The following WT1 variants were observed in gnomAD, a reference collection of about 807,000 sequenced individuals.
The protein encoded by WT1 is WT1 transcription factor.
WT1 carries 8 observed loss-of-function variants against 60.8 expected under a neutral mutation model. The ratio of observed to expected loss-of-function variants is 0.13; its 90% CI spans 0.08 to 0.24. The LOEUF is 0.24. Ranked by LOEUF, WT1 falls within the 10% of genes least tolerant of loss-of-function variation. The pLI, the probability that WT1 is intolerant of heterozygous loss-of-function variation, is 1.00. For missense variants in WT1, 568 were observed against 711.8 expected, an observed-to-expected ratio of 0.80 and a Z score of 2.30; for synonymous variants, 312 against 297.1, an observed-to-expected ratio of 1.05 and a Z score of -0.52.
intron 5 of WT1, among the ~76,000 whole-genome samples, chr11:32,408,633 A>G (rs1024205685): frequency 1.3e-5 from 2 of 151,994 alleles, no homozygotes; most frequent in Non-Finnish European, 2.9e-5. Context: ...ACAGAAAAAA[A>G]GAAACACAGG....
Position 32,427,892 on chromosome 11 carries a change from C to T in WT1, c.887+64G>A, listed in dbSNP as rs565650860. Reference sequence around the variant, plus strand: ...TGCCCGGCTGGGGCGTTCCCAAGTCCGCCGGCTCATGCGTCCCCTCCGGGG... The same window carrying T: ...TGCCCGGCTGGGGCGTTCCCAAGTCTGCCGGCTCATGCGTCCCCTCCGGGG... On this transcript the variant is annotated intron_variant, in intron 3 of 9. Coordinates refer to ENST00000452863, the MANE Select transcript of WT1 (RefSeq NM_024426.6). The T allele has an allele frequency of 2.8e-5, 42 of 1,502,280 alleles. 1 individual carries two copies. The South Asian group carries it at 4.0e-4, about 14-fold the overall frequency. 93.1% of individuals were successfully genotyped at this position (1,502,280 alleles called of 1,614,324 possible).
chr11:32,426,240 C>A (rs949287510), intron 3 of WT1, among the ~76,000 whole-genome samples: 7 of 152,156 alleles, frequency 4.6e-5, no homozygotes, highest in African/African-American at 7.2e-5. Flanking sequence ...CCTAGTGTGA[C>A]ACACCAACTG....
rs561403348 is a variant in WT1, at chr11:32,418,727, A to G, written c.888-1073T>C. ...ATTCAGAAAGGCTTTTTTCAGGCCA[A>G]GCATAACTGGGAACTTGAGGAGGGG... On this transcript the variant is annotated intron_variant, in intron 3 of 9. Coordinates refer to ENST00000452863, the MANE Select transcript of WT1 (RefSeq NM_024426.6). Among the ~76,000 whole-genome samples the G allele has an allele frequency of 3.9e-5, 6 of 152,320 alleles. No homozygotes were observed. In the South Asian group the frequency reaches 1.2e-3, roughly 32 times the overall value.
In WT1 at chr11:32,399,810, T is replaced by G. The variant is rs1590344854; in HGVS notation, c.1113+138A>C. On this transcript the variant is annotated intron_variant, in intron 6 of 9. Transcript: ENST00000452863. ...TTATCAGACCCAGGGGACGAGCAGG[T>G]GTCCCTGATGTTAAAGGAGCCTGCA... The G allele has an allele frequency of 8.8e-6, 8 of 908,894 alleles. No individual in the cohort carries two copies. The East Asian group carries it at 2.1e-4, about 24-fold the overall frequency. 56.3% of individuals were successfully genotyped at this position (908,894 alleles called of 1,614,324 possible). A position where few individuals can be genotyped will look rare whatever the true frequency, so the allele number is the denominator to read the frequency against.
At position 32,434,778 on chromosome 11, in the gene WT1, A is replaced by C. The variant is rs975173030; in HGVS notation, c.583T>G (p.Ser195Ala). ...TTAGGAAACATCCTGGCCTGGCCGG[A>C]TGACGCCTGGCTGGGCGGAGGAGGA... Residue 195 changes from serine (S) to alanine (A), a missense_variant, in exon 1 of 10, where the codon TCC becomes GCC. Around this residue, in one of 3 missense-constraint regions of WT1, gnomAD observed 523 missense variants for 565.1 expected, o/e 0.93. Coordinates refer to ENST00000452863, the MANE Select transcript of WT1 (RefSeq NM_024426.6). 6.2e-7 allele frequency: 1 copy of C among 1,612,560 alleles called. No individual in the cohort carries two copies. Among genetic ancestry groups the C allele is most frequent in the African/African-American group, 1.3e-5 (1 of 74,944 alleles).
chr11:32,429,832 C>T (rs577983355), intron 1 of WT1, among the ~76,000 whole-genome samples: 2 of 152,116 alleles, frequency 1.3e-5, no homozygotes, highest in Non-Finnish European at 2.9e-5. Context: ...AAACAGCACC[C>T]ATTCTCCCAC....
At chr11:32,428,680 G>A (rs1853155342) in intron 1 of WT1, 61 bp from the exon 2 acceptor site, 2 of 1,578,496 alleles carry the variant, frequency 1.3e-6, no homozygotes, top group Non-Finnish European at 1.7e-6. Flanking sequence ...GGGGCAGTGG[G>A]TCTGAACCAG....
chr11:32,390,541 C>T (rs1851786302), intron 9 of WT1, among the ~76,000 whole-genome samples: 1 of 152,156 alleles, frequency 6.6e-6, no homozygotes, highest in Non-Finnish European at 1.5e-5. Context: ...TAAATGCAGC[C>T]AATTTGGGCG....
intron 5 of WT1, among the ~76,000 whole-genome samples, chr11:32,404,806 C>G (rs941902332): frequency 2.6e-5 from 4 of 152,196 alleles, no homozygotes; most frequent in South Asian, 4.1e-4. Flanking sequence ...ACGTGTCTTG[C>G]ATACCACTAA....
At chr11:32,415,703 C>T (rs1478787505) in intron 5 of WT1, among the ~76,000 whole-genome samples, 1 of 152,144 alleles carries the variant, frequency 6.6e-6, no homozygotes, top group Non-Finnish European at 1.5e-5. Context: ...AGCAGTCCCC[C>T]AGATGGAAGA....
rs1478651887 is a variant in WT1 at position 32,388,748 on chromosome 11, G to A, written c.*310C>T. On this transcript the variant is annotated 3_prime_UTR_variant, in exon 10 of 10. Transcript: ENST00000452863. ...CATAAAAAAAGAAGGGAAGGGTCAGGGGGACATGATCAGCTATGGCTCTTC... is the reference window on the plus strand; with the variant it reads ...CATAAAAAAAGAAGGGAAGGGTCAGAGGGACATGATCAGCTATGGCTCTTC... The A allele has an allele frequency of 4.3e-6, 2 of 468,372 alleles. No individual in the cohort carries two copies. Among genetic ancestry groups the A allele is most frequent in the Admixed American group, 7.1e-5 (2 of 28,284 alleles). 29.0% of individuals were successfully genotyped at this position (468,372 alleles called of 1,614,324 possible). A position where few individuals can be genotyped will look rare whatever the true frequency, so the allele number is the denominator to read the frequency against.
At chr11:32,397,921 G>C (rs1422975183) in intron 6 of WT1, among the ~76,000 whole-genome samples, 1 of 152,172 alleles carries the variant, frequency 6.6e-6, no homozygotes, top group African/African-American at 2.4e-5. Context: ...AGAGGCCATG[G>C]CAAGTGAGCC....
intron 3 of WT1, among the ~76,000 whole-genome samples, chr11:32,425,760 A>G (rs1174721600): frequency 6.6e-6 from 1 of 152,206 alleles, no homozygotes; most frequent in Non-Finnish European, 1.5e-5. Context: ...TAGTATTTTT[A>G]TTGGATTTGT....
At chr11:32,418,520 C>T (rs1852752802) in intron 3 of WT1, among the ~76,000 whole-genome samples, 1 of 152,092 alleles carries the variant, frequency 6.6e-6, no homozygotes, top group African/African-American at 2.4e-5. Flanking sequence ...TTTTCTGGGA[C>T]CTCTTGGTCT....
intron 6 of WT1, among the ~76,000 whole-genome samples, chr11:32,396,901 ATCG>A (rs1328626427): frequency 6.6e-6 from 1 of 152,198 alleles, no homozygotes; most frequent in Non-Finnish European, 1.5e-5. Flanking sequence ...AACTGACCAG[ATCG>A]TCCAAGTATA....
intron 3 of WT1, among the ~76,000 whole-genome samples, chr11:32,424,780 T>C (rs993423410): frequency 6.6e-6 from 1 of 152,214 alleles, no homozygotes; most frequent in Non-Finnish European, 1.5e-5. Context: ...AGAACTGGGA[T>C]TTTGAGAATG....
At chr11:32,427,403 G>C (rs1728840972) in intron 3 of WT1, among the ~76,000 whole-genome samples, 1 of 152,226 alleles carries the variant, frequency 6.6e-6, no homozygotes, top group Non-Finnish European at 1.5e-5. Flanking sequence ...GCAGGGCCCT[G>C]TTGCGACCCG....
At chr11:32,392,835 T>C in intron 7 of WT1, 80 bp from the exon 8 acceptor site, 1 of 1,322,952 alleles carries the variant, frequency 7.6e-7, no homozygotes, top group South Asian at 1.2e-5. Flanking sequence ...CTACTAGGAC[T>C]GAACAGATCC....
intron 5 of WT1, among the ~76,000 whole-genome samples, chr11:32,403,759 T>G (rs543011471): frequency 6.6e-5 from 10 of 151,806 alleles, no homozygotes; most frequent in Non-Finnish European, 4.4e-5. Context: ...GTAGTTTTAG[T>G]AGAGACGGGG....
Sources: gnomAD v4.1 joint callset for allele counts (sites outside exome capture counted in the v4.1 genomes callset) on GRCh38, gnomAD v4.1.1 for gene constraint, gnomAD v4.1.1 regional missense constraint, MANE v1.5 for transcripts, NCBI Gene and HGNC (gene_info 2026-07-23, HGNC 2026-07-21) for gene names.